Variants in AOPEP observed in about 807,000 individuals in gnomAD.
AOPEP encodes aminopeptidase O.
AOPEP carries 77 observed loss-of-function variants against 98.1 expected under a neutral mutation model. The ratio of observed to expected loss-of-function variants is 0.78; its 90% CI spans 0.65 to 0.95. AOPEP has a LOEUF of 0.95. Ranked by LOEUF, AOPEP falls within the 40% of genes least tolerant of loss-of-function variation. The probability of loss-of-function intolerance (pLI) is 0.00; values close to 1 mark genes in which losing one functional copy is unlikely to be tolerated. For synonymous variants in AOPEP, 346 were observed against 365.3 expected (o/e 0.95, Z 0.60); for missense variants, 1,024 against 1,024.7 (o/e 1.00, Z 0.01).
At chr9:94,911,601 C>G (rs374659524) in intron 5 of AOPEP, among the ~76,000 whole-genome samples, 15 of 152,154 alleles carry the variant, frequency 9.9e-5, no homozygotes, top group African/African-American at 3.6e-4. Flanking sequence ...ATACAAGGTA[C>G]CTTTCACTTG....
At chr9:94,957,588 C>A (rs1398163614) in intron 9 of AOPEP, among the ~76,000 whole-genome samples, 1 of 152,184 alleles carries the variant, frequency 6.6e-6, no homozygotes, top group Non-Finnish European at 1.5e-5. Flanking sequence ...AAAGTTAACC[C>A]TTTGAAAGTC....
chr9:95,045,061 C>G (rs2065717302), intron 13 of AOPEP, among the ~76,000 whole-genome samples: 1 of 152,206 alleles, frequency 6.6e-6, no homozygotes, highest in Admixed American at 6.5e-5. Flanking sequence ...AAGGACGGTG[C>G]TGTTTCCTGA....
chr9:94,798,141 T>G (rs915060625), intron 4 of AOPEP, among the ~76,000 whole-genome samples: 3 of 152,208 alleles, frequency 2.0e-5, no homozygotes, highest in Non-Finnish European at 4.4e-5. Context: ...GAGAAGACAG[T>G]GAAGCCCAGG....
rs532141473 is a variant in AOPEP at position 94,957,358 on chromosome 9, C to A, written c.1872+1343C>A. On this transcript the variant is annotated intron_variant, in intron 9 of 16. Transcript: ENST00000375315. The stretch of plus-strand genomic sequence containing the variant: ...GAGTAGCTGGGATTACAGGCGCTTG[C>A]CACGACACCCTGCTAATTTTTGTAT... Among the ~76,000 whole-genome samples, 950 of 152,240 alleles carry A rather than the reference C, an allele frequency of 6.2e-3. 16 individuals carry two copies. The highest frequency in any genetic ancestry group is 0.022 in the African/African-American group (910 of 41,526).
In AOPEP at chr9:94,908,314, TCTGA is replaced by T. The variant is rs1418205269; in HGVS notation, c.1365-15668_1365-15665del. On this transcript the variant is annotated intron_variant, in intron 5 of 16. Coordinates refer to ENST00000375315, the MANE Select transcript of AOPEP (RefSeq NM_001193329.3). ...TGGCAGAGAGAGCTTTGGTCCAGTC[TCTGA>T]CTGTGCCAGGATCCCATCCCACAGA... 3.3e-5 allele frequency among the ~76,000 whole-genome samples: 5 copies of T among 152,290 alleles called. No homozygotes were observed. The East Asian group carries it at 9.6e-4, about 29-fold the overall frequency.
Position 95,065,412 on chromosome 9 carries a change from A to G in AOPEP, c.2232+4602A>G, listed in dbSNP as rs573413529. On this transcript the variant is annotated intron_variant, in intron 14 of 16. Transcript: ENST00000375315. ...GACACCGAGGCTTATGAATAGGAGC[A>G]GTGCCGGCCAAGGCGCCGGCACCAT... is the stretch of plus-strand genomic sequence containing the variant. 2.0e-5 allele frequency: 3 copies of G among 152,380 alleles called. No homozygotes were observed. The East Asian group carries it at 5.8e-4, about 29-fold the overall frequency. 9.4% of individuals were successfully genotyped at this position (152,380 alleles called of 1,614,324 possible). A position where few individuals can be genotyped will look rare whatever the true frequency, so the allele number is the denominator to read the frequency against.
At chr9:95,095,642 G>C in the AOPEP span, among the ~76,000 whole-genome samples, 1 of 152,200 alleles carries the variant, frequency 6.6e-6, no homozygotes, top group South Asian at 2.1e-4. Flanking sequence ...GCATGGAAAG[G>C]GTTCCCTGTG....
At chr9:94,952,606 C>A (rs1400127281) in intron 7 of AOPEP, among the ~76,000 whole-genome samples, 3 of 152,226 alleles carry the variant, frequency 2.0e-5, no homozygotes, top group African/African-American at 7.2e-5. Flanking sequence ...AGTTCATCTG[C>A]TTTCTCCGGT....
intron 13 of AOPEP, among the ~76,000 whole-genome samples, chr9:95,043,018 ATG>A (rs2065470259): frequency 2.6e-5 from 4 of 151,946 alleles, no homozygotes; most frequent in Non-Finnish European, 5.9e-5. Context: ...CATACCTGTA[ATG>A]TCAGCACTTT....
intron 5 of AOPEP, among the ~76,000 whole-genome samples, chr9:94,911,365 G>A (rs563457920): frequency 1.6e-4 from 24 of 152,368 alleles, no homozygotes; most frequent in Admixed American, 1.4e-3. Flanking sequence ...TTGCCTAGTG[G>A]CATTCACATC....
chr9:94,891,275 T>C (rs760689922), intron 5 of AOPEP, among the ~76,000 whole-genome samples: 5 of 152,238 alleles, frequency 3.3e-5, no homozygotes, highest in Non-Finnish European at 7.3e-5. Flanking sequence ...TTGCATGATA[T>C]ATCTTTTTCT....
chr9:94,834,556 T>G (rs1449529496), intron 5 of AOPEP, among the ~76,000 whole-genome samples: 1 of 151,956 alleles, frequency 6.6e-6, no homozygotes, highest in Non-Finnish European at 1.5e-5. Flanking sequence ...ACTTTGGGAG[T>G]CTGAGGCAGG....
chr9:94,765,396 T>TC (rs1048063129), intron 2 of AOPEP, among the ~76,000 whole-genome samples: 1 of 148,964 alleles, frequency 6.7e-6, no homozygotes, highest in African/African-American at 2.5e-5. Context: ...GTTGAGGAGT[T>TC]CAAGACCAGC....
chr9:94,907,781 A>G (rs2051386357), intron 5 of AOPEP, among the ~76,000 whole-genome samples: 3 of 152,116 alleles, frequency 2.0e-5, no homozygotes, highest in African/African-American at 4.8e-5. Flanking sequence ...GCAGGCAGCT[A>G]GCTAGCTTTG....
chr9:94,777,710 T>C (rs1842462408), intron 3 of AOPEP, among the ~76,000 whole-genome samples: 1 of 140,422 alleles, frequency 7.1e-6, no homozygotes, highest in Non-Finnish European at 1.5e-5. Flanking sequence ...CTCAGCTCAC[T>C]GCAACCTCTG....
intron 5 of AOPEP, among the ~76,000 whole-genome samples, chr9:94,886,363 A>C (rs1031779935): frequency 6.6e-6 from 1 of 152,212 alleles, no homozygotes; most frequent in African/African-American, 2.4e-5. Flanking sequence ...AAAGATACCT[A>C]TATAATTACG....
intron 14 of AOPEP, among the ~76,000 whole-genome samples, chr9:95,072,256 T>C (rs2068587931): frequency 6.6e-6 from 1 of 152,242 alleles, no homozygotes; most frequent in Non-Finnish European, 1.5e-5. Flanking sequence ...AAGGCTGCTT[T>C]GACCAAAAGG....
At chr9:95,107,396 T>C in the AOPEP span, 1 of 1,019,438 alleles carries the variant, frequency 9.8e-7, no homozygotes, top group Non-Finnish European at 1.5e-6. Context: ...GAGAGGGAGC[T>C]AGGCAGCGGC....
At chr9:94,763,194 T>C (rs1347166893) in intron 2 of AOPEP, 2 of 404,366 alleles carry the variant, frequency 4.9e-6, no homozygotes, top group East Asian at 1.6e-4. Context: ...AGAATGACTT[T>C]TTTTGAATTT....
Sources: allele counts gnomAD v4.1 joint callset (sites outside exome capture counted in the v4.1 genomes callset), GRCh38; gene constraint gnomAD v4.1.1; transcripts MANE v1.5; gene names NCBI Gene and HGNC (gene_info 2026-07-23, HGNC 2026-07-21).